ANKRD36: variants seen among roughly 807,000 people sequenced by gnomAD.
ANKRD36 encodes ankyrin repeat domain-containing protein 36A.
ANKRD36 carries 179 observed loss-of-function variants against 278.1 expected under a neutral mutation model. That is an observed-to-expected ratio of 0.64 (90% CI 0.57 to 0.73). The LOEUF (loss-of-function observed/expected upper bound fraction) is 0.73, where lower values mean the gene tolerates loss of function less well. ANKRD36 is among the 30% of genes least tolerant of loss of function. ANKRD36 has a pLI of 0.00. For synonymous variants in ANKRD36, 320 were observed against 641.1 expected, an observed-to-expected ratio of 0.50 and a Z score of 7.57; for missense variants, 1,159 against 1,956.7, an observed-to-expected ratio of 0.59 and a Z score of 7.69.
At chr2:97,196,824 C>A (rs750729781) in intron 42 of ANKRD36, 36 bp downstream of exon 42, 12 of 1,542,880 alleles carry the variant, frequency 7.8e-6, no homozygotes, top group African/African-American at 2.7e-5. Flanking sequence ...CATGTTCAGT[C>A]CAGATAGATA....
chr2:97,213,283 A>G, intron 58 of ANKRD36, 136 bp from the exon 59 acceptor site: 1 of 281,922 alleles, frequency 3.5e-6, no homozygotes, highest in Non-Finnish European at 6.2e-6. Flanking sequence ...TCCAGTCCCG[A>G]GTCACAAAGT....
chr2:97,202,976 G>C (rs1316790229), intron 48 of ANKRD36, among the ~76,000 whole-genome samples: 7 of 151,752 alleles, frequency 4.6e-5, no homozygotes, highest in Non-Finnish European at 1.0e-4. Flanking sequence ...CTTGATTTTG[G>C]CTGCTGCAGG....
chr2:97,190,642 G>T (rs527686054), intron 34 of ANKRD36, among the ~76,000 whole-genome samples: 35 of 151,598 alleles, frequency 2.3e-4, no homozygotes, highest in African/African-American at 8.4e-4. Flanking sequence ...CTTTGACATT[G>T]ATTCTCACGT....
intron 42 of ANKRD36, 131 bp from the exon 43 acceptor site, chr2:97,198,332 C>T (rs568769642): frequency 3.3e-6 from 5 of 1,521,894 alleles, no homozygotes; most frequent in Non-Finnish European, 3.6e-6. Context: ...TCCCCAGACA[C>T]AAAGTAGAAG....
At chr2:97,206,199 A>C in intron 52 of ANKRD36, 64 bp downstream of exon 52, 1 of 1,437,994 alleles carries the variant, frequency 7.0e-7, no homozygotes, top group Non-Finnish European at 9.3e-7. Context: ...CTCTTCCCCA[A>C]GTAAATCAGC....
intron 22 of ANKRD36, among the ~76,000 whole-genome samples, chr2:97,179,211 C>G (rs915615232): frequency 2.0e-5 from 3 of 151,468 alleles, no homozygotes; most frequent in African/African-American, 7.3e-5. Context: ...TATATCCAAG[C>G]TGATTAAGTT....
intron 6 of ANKRD36, among the ~76,000 whole-genome samples, chr2:97,129,822 T>G (rs1393616286): frequency 6.6e-6 from 1 of 152,076 alleles, no homozygotes; most frequent in African/African-American, 2.4e-5. Flanking sequence ...TCTGTTCCAT[T>G]GGTCTGTATC....
chr2:97,206,337 C>T (rs958131888), intron 52 of ANKRD36, among the ~76,000 whole-genome samples: 1 of 151,492 alleles, frequency 6.6e-6, no homozygotes, highest in East Asian at 2.0e-4. Flanking sequence ...ATACACTTCC[C>T]CACGTTGAAG....
intron 34 of ANKRD36, among the ~76,000 whole-genome samples, chr2:97,189,566 A>G (rs1434139578): frequency 6.8e-5 from 6 of 88,516 alleles, no homozygotes; most frequent in African/African-American, 1.6e-4. Flanking sequence ...GCTCTGGGGA[A>G]CAGCATAGTT....
chr2:97,151,656 A>C (rs73961159), intron 12 of ANKRD36, among the ~76,000 whole-genome samples: 2 of 152,252 alleles, frequency 1.3e-5, no homozygotes, highest in Non-Finnish European at 1.5e-5. Flanking sequence ...AATAATCAAC[A>C]TGGGTTGAAA....
intron 26 of ANKRD36, among the ~76,000 whole-genome samples, chr2:97,183,084 A>C (rs2056632224): frequency 6.6e-6 from 1 of 151,764 alleles, no homozygotes; most frequent in Non-Finnish European, 1.5e-5. Context: ...TCTTGCATGA[A>C]AAACATGCAG....
At chr2:97,115,902 T>G (rs901558770) in intron 1 of ANKRD36, among the ~76,000 whole-genome samples, 7 of 150,722 alleles carry the variant, frequency 4.6e-5, no homozygotes, top group African/African-American at 1.7e-4. Context: ...TTTATAAATT[T>G]TATAAATTTA....
chr2:97,159,014 G>T (rs2048204202), intron 17 of ANKRD36, among the ~76,000 whole-genome samples: 1 of 152,022 alleles, frequency 6.6e-6, no homozygotes, highest in Admixed American at 6.6e-5. Flanking sequence ...AAATACAAAG[G>T]TGAGGAGGGG....
intron 52 of ANKRD36, among the ~76,000 whole-genome samples, chr2:97,206,789 C>T (rs1234664623): frequency 6.6e-6 from 1 of 151,396 alleles, no homozygotes; most frequent in Non-Finnish European, 1.5e-5. Context: ...CTCATTACTC[C>T]CCTTTGTTAC....
chr2:97,237,428 A>T (rs1184181962), intron 68 of ANKRD36, among the ~76,000 whole-genome samples: 1 of 151,610 alleles, frequency 6.6e-6, no homozygotes, highest in South Asian at 2.1e-4. Context: ...TCCATGTTAT[A>T]TAAATTATTT....
chr2:97,139,191 G>T (rs1157652703), intron 6 of ANKRD36, among the ~76,000 whole-genome samples: 2 of 151,870 alleles, frequency 1.3e-5, no homozygotes, highest in African/African-American at 4.8e-5. Context: ...CTGACTCTTT[G>T]GTAGACATAG....
At chr2:97,117,504 T>C (rs1170454993) in intron 1 of ANKRD36, among the ~76,000 whole-genome samples, 1 of 152,038 alleles carries the variant, frequency 6.6e-6, no homozygotes. Flanking sequence ...AGTATTCCAA[T>C]GTCAGGAGAT....
chr2:97,124,150 A>T (rs999553029), intron 4 of ANKRD36, among the ~76,000 whole-genome samples: 1 of 151,556 alleles, frequency 6.6e-6, no homozygotes, highest in Non-Finnish European at 1.5e-5. Context: ...GAAATGAATA[A>T]TTTTTCACTT....
intron 66 of ANKRD36, 34 bp downstream of exon 66, chr2:97,219,280 G>A (rs1231388228): frequency 6.6e-7 from 1 of 1,520,640 alleles, no homozygotes; most frequent in African/African-American, 1.4e-5. Context: ...ACTCTGGAAA[G>A]AAGTACATTA....
Sources: gnomAD v4.1 joint callset for allele counts (sites outside exome capture counted in the v4.1 genomes callset) on GRCh38, gnomAD v4.1.1 for gene constraint, MANE v1.5 for transcripts, NCBI Gene and HGNC (gene_info 2026-07-23, HGNC 2026-07-21) for gene names.